The following GRAMD4 variants were observed in gnomAD, a reference collection of about 807,000 sequenced individuals.
GRAMD4 encodes GRAM domain-containing protein 4.
GRAMD4 carries 25 observed loss-of-function variants against 83.9 expected under a neutral mutation model. The observed-to-expected ratio is 0.30, with a 90% CI of 0.22 to 0.42. GRAMD4 has a LOEUF of 0.42. Among genes scored for constraint, GRAMD4 ranks in the 10% least tolerant of loss-of-function variants. The pLI is 1.00. For missense variants in GRAMD4, 593 were observed against 788.7 expected (o/e 0.75, Z 2.97); for synonymous variants, 336 against 320.9 (o/e 1.05, Z -0.50).
chr22:46,661,735 ACT>A (rs1320778842), intron 5 of GRAMD4, among the ~76,000 whole-genome samples: 1 of 152,178 alleles, frequency 6.6e-6, no homozygotes, highest in Non-Finnish European at 1.5e-5. Flanking sequence ...ATACACACGT[ACT>A]CTGTTTCAGC....
At chr22:46,601,957 G>A (rs984116027) in intron 1 of GRAMD4, among the ~76,000 whole-genome samples, 3 of 152,126 alleles carry the variant, frequency 2.0e-5, no homozygotes, top group Admixed American at 6.5e-5. Context: ...AGCCCTTCTT[G>A]GGCAGCTCTT....
At chr22:46,626,727 A>C in intron 1 of GRAMD4, 24 bp from the exon 2 acceptor site, 2 of 1,500,738 alleles carry the variant, frequency 1.3e-6, no homozygotes, top group Non-Finnish European at 1.8e-6. Flanking sequence ...CGAGCGGGAG[A>C]GTGACCACGC....
chr22:46,661,373 T>G lies in GRAMD4; in HGVS notation c.405-8T>G. The G allele has an allele frequency of 1.2e-6, 2 of 1,611,704 alleles. No homozygotes were observed. Among genetic ancestry groups the G allele is most frequent in the Non-Finnish European group, 1.7e-6 (2 of 1,178,760 alleles). On this transcript the variant is annotated splice_polypyrimidine_tract_variant and splice_region_variant and intron_variant, in intron 4 of 18. Coordinates refer to ENST00000406902, the MANE Select transcript of GRAMD4 (RefSeq NM_015124.5). The stretch of plus-strand genomic sequence containing the variant: ...GACCTCTTGTCTCTTCTCTCCCTGC[T>G]TTTTAAGAACCGAGGAGCAGATGGC...
chr22:46,666,945 C>A, intron 10 of GRAMD4, 72 bp downstream of exon 10: 2 of 1,125,536 alleles, frequency 1.8e-6, no homozygotes, highest in Non-Finnish European at 2.5e-6. Context: ...CTGTAGGCAC[C>A]GCTCGGGGAA....
At chr22:46,615,036 T>C (rs2081461980) in intron 1 of GRAMD4, among the ~76,000 whole-genome samples, 1 of 76,640 alleles carries the variant, frequency 1.3e-5, no homozygotes, top group Admixed American at 1.1e-4. Flanking sequence ...CCCCCGTGTG[T>C]AGGTTCCCCT....
chr22:46,645,487 G>A (rs1039108303), intron 3 of GRAMD4, among the ~76,000 whole-genome samples: 3 of 152,208 alleles, frequency 2.0e-5, no homozygotes, highest in African/African-American at 7.2e-5. Context: ...CTGGTTACCA[G>A]GTGGCTGTGA....
At chr22:46,632,235 A>G (rs1601597605) in intron 2 of GRAMD4, among the ~76,000 whole-genome samples, 1 of 152,178 alleles carries the variant, frequency 6.6e-6, no homozygotes, top group Non-Finnish European at 1.5e-5. Flanking sequence ...TGGAAGAGAC[A>G]GGTAACTGTG....
chr22:46,667,449 G>A (rs1010208933), intron 10 of GRAMD4, among the ~76,000 whole-genome samples: 11 of 152,200 alleles, frequency 7.2e-5, no homozygotes, highest in African/African-American at 2.4e-4. Context: ...ATACTGCTGC[G>A]GCTGCTTTTG....
In GRAMD4 at chr22:46,678,399, C is replaced by T. The variant is rs916449770; in HGVS notation, c.*1148C>T. The T allele has an allele frequency of 7.1e-6, 7 of 984,478 alleles. No homozygotes were observed. The highest frequency in any genetic ancestry group is 1.7e-5 in the African/African-American group (1 of 57,230). The allele number at this position is 984,478 out of a possible 1,614,324, so 61.0% of individuals were successfully genotyped here. ...GTGCCGGTCCGGGCACAGACCCCCCCAGCCCCCGCCCTGCCCCAGGGAAGC... is the reference window on the plus strand; with the variant it reads ...GTGCCGGTCCGGGCACAGACCCCCCTAGCCCCCGCCCTGCCCCAGGGAAGC... On this transcript the variant is annotated 3_prime_UTR_variant, in exon 19 of 19. Coordinates refer to ENST00000406902, the MANE Select transcript of GRAMD4 (RefSeq NM_015124.5).
chr22:46,578,149 C>T (rs1325774716), intron 1 of GRAMD4, among the ~76,000 whole-genome samples: 1 of 152,204 alleles, frequency 6.6e-6, no homozygotes, highest in Non-Finnish European at 1.5e-5. Context: ...AGGAAAGATT[C>T]GGTTTGGGGG....
chr22:46,594,048 G>A (rs942283419), intron 1 of GRAMD4, among the ~76,000 whole-genome samples: 1 of 151,502 alleles, frequency 6.6e-6, no homozygotes, highest in African/African-American at 2.4e-5. Flanking sequence ...TTTTAATAAT[G>A]TAATGGGAAC....
rs548260329 is a variant in GRAMD4 at position 46,634,829 on chromosome 22, G to A, written c.163-3011G>A. On this transcript the variant is annotated intron_variant, in intron 2 of 18. Coordinates refer to ENST00000406902, the MANE Select transcript of GRAMD4 (RefSeq NM_015124.5). Reference sequence around the variant, plus strand: ...ATGGTGGCAGGCACCTGTAATTCCAGCTACTTTGGAGGCTGAGGCAGGAGA... The same window carrying A: ...ATGGTGGCAGGCACCTGTAATTCCAACTACTTTGGAGGCTGAGGCAGGAGA... Among the ~76,000 whole-genome samples the A allele has an allele frequency of 2.6e-5, 4 of 152,114 alleles. No homozygotes were observed. In the East Asian group the frequency reaches 7.7e-4, roughly 29 times the overall value.
At chr22:46,588,894 C>T (rs1163759431) in intron 1 of GRAMD4, among the ~76,000 whole-genome samples, 1 of 152,122 alleles carries the variant, frequency 6.6e-6, no homozygotes, top group Non-Finnish European at 1.5e-5. Context: ...GGCTGGTGAC[C>T]CAGCCTCTGC....
At chr22:46,675,239 CGTGA>C (rs1016396070) in intron 16 of GRAMD4, among the ~76,000 whole-genome samples, 7 of 151,522 alleles carry the variant, frequency 4.6e-5, no homozygotes, top group Non-Finnish European at 8.8e-5. Context: ...GAGCAGTGGC[CGTGA>C]GTGTCTCAGA....
At chr22:46,668,953 CAG>C in intron 13 of GRAMD4, 45 bp downstream of exon 13, 4 of 1,078,196 alleles carry the variant, frequency 3.7e-6, no homozygotes, top group Non-Finnish European at 5.7e-6. Flanking sequence ...AGGAGGGACA[CAG>C]GTGTCCGCAT....
intron 1 of GRAMD4, among the ~76,000 whole-genome samples, chr22:46,601,898 G>A (rs2081315395): frequency 6.6e-6 from 1 of 152,206 alleles, no homozygotes; most frequent in Non-Finnish European, 1.5e-5. Flanking sequence ...GATGGCTTCA[G>A]CCCCCAGTTC....
intron 1 of GRAMD4, among the ~76,000 whole-genome samples, chr22:46,589,733 G>C (rs905025081): frequency 3.3e-5 from 5 of 152,084 alleles, no homozygotes; most frequent in Admixed American, 2.6e-4. Flanking sequence ...TCATGGGGTG[G>C]ATCCTTAACT....
At chr22:46,600,419 C>A (rs1228817312) in intron 1 of GRAMD4, among the ~76,000 whole-genome samples, 1 of 152,204 alleles carries the variant, frequency 6.6e-6, no homozygotes, top group Admixed American at 6.5e-5. Context: ...TGACGTGGTG[C>A]TTTTTCACCC....
intron 3 of GRAMD4, among the ~76,000 whole-genome samples, chr22:46,646,663 T>C (rs1040810925): frequency 1.3e-5 from 2 of 152,218 alleles, no homozygotes; most frequent in Admixed American, 6.5e-5. Flanking sequence ...ACTTGCCCCT[T>C]TGGACCTGGG....
Sources: gnomAD v4.1 joint callset for allele counts (sites outside exome capture counted in the v4.1 genomes callset) on GRCh38, gnomAD v4.1.1 for gene constraint, MANE v1.5 for transcripts, NCBI Gene and HGNC (gene_info 2026-07-23, HGNC 2026-07-21) for gene names.